ZNF423: variants seen among roughly 807,000 people sequenced by gnomAD.
The protein encoded by ZNF423 is zinc finger protein 423, also known as Ebf-associated zinc finger protein.
A neutral mutation model predicts 95.8 loss-of-function variants in ZNF423; 12 were observed. The observed-to-expected ratio is 0.13, with a 90% CI of 0.08 to 0.20. The LOEUF (loss-of-function observed/expected upper bound fraction) is 0.20, where lower values mean the gene tolerates loss of function less well. ZNF423 is among the 10% of genes least tolerant of loss of function. The pLI, the probability that ZNF423 is intolerant of heterozygous loss-of-function variation, is 1.00. For missense variants in ZNF423, 1,316 were observed against 1,737.1 expected (o/e 0.76, Z 4.31); for synonymous variants, 749 against 711.9 (o/e 1.05, Z -0.83).
intron 5 of ZNF423, among the ~76,000 whole-genome samples, chr16:49,572,982 A>G (rs1449217843): frequency 6.6e-6 from 1 of 152,236 alleles, no homozygotes; most frequent in Non-Finnish European, 1.5e-5. Flanking sequence ...TAGGCTCTCC[A>G]TAAGGGAGAG....
chr16:49,620,047 G>GT (rs1972006584), intron 5 of ZNF423, among the ~76,000 whole-genome samples: 1 of 151,786 alleles, frequency 6.6e-6, no homozygotes, highest in Non-Finnish European at 1.5e-5. Flanking sequence ...TGGTTTGAAA[G>GT]TATCTCCAGG....
rs757029085 is a variant in ZNF423, at chr16:49,636,526, C to T, written c.2650G>A (p.Glu884Lys). 2 of 1,613,922 alleles carry T rather than the reference C, an allele frequency of 1.2e-6. No individual in the cohort carries two copies. The highest frequency in any genetic ancestry group is 2.2e-5 in the East Asian group (1 of 44,874). The stretch of plus-strand genomic sequence containing the variant: ...GGCTCCGACGCGTCCACGTCATCCT[C>T]GCTGGCCTCATGGCTGTTAGGTGCC... Reference protein sequence around the residue: ...PEAPNSHEASEDDVDASEPMY... With the variant: ...PEAPNSHEASKDDVDASEPMY... Residue 884 changes from glutamate to lysine, a missense_variant, in exon 4 of 8, where the codon GAG becomes AAG. Coordinates refer to ENST00000563137, the MANE Select transcript of ZNF423 (RefSeq NM_001379286.1). The surrounding 1 kb of genome is among the most constrained non-coding windows in gnomAD (Gnocchi z 8.6).
chr16:49,523,707 T>C lies in ZNF423; in HGVS notation c.3766A>G (p.Ile1256Val), dbSNP rs1968494071. The C allele has an allele frequency of 6.2e-7, 1 of 1,614,092 alleles. No homozygotes were observed. The highest frequency in any genetic ancestry group is 1.1e-5 in the South Asian group (1 of 91,084). Residue 1256 changes from isoleucine to valine, a missense_variant, in exon 7 of 8, where the codon ATC becomes GTC. Physicochemically the swap from Ile to Val is conservative, Grantham distance 29. Transcript: ENST00000563137. ...FVQANKLQQH[I>V]FAVHGQEDKI... ...TCCTCCTGCCCGTGCACGGCAAAGA[T>C]GTGCTGCTGCAACTTGTTGGCCTGG...
intron 5 of ZNF423, among the ~76,000 whole-genome samples, chr16:49,580,589 T>G (rs1238328570): frequency 6.6e-6 from 1 of 152,178 alleles, no homozygotes; most frequent in African/African-American, 2.4e-5. Flanking sequence ...AGGAGAGCTT[T>G]GAACACTCAA....
At chr16:49,842,367 A>T (rs1227440601) in intron 1 of ZNF423, among the ~76,000 whole-genome samples, 1 of 27,972 alleles carries the variant, frequency 3.6e-5, no homozygotes, top group South Asian at 1.5e-3. Flanking sequence ...GGAGAGAGAC[A>T]GGAAGGAAGG....
chr16:49,498,032 T>C lies in ZNF423; in HGVS notation c.3850-6728A>G, dbSNP rs1266790464. On this transcript the variant is annotated intron_variant, in intron 7 of 7. Coordinates refer to ENST00000563137, the MANE Select transcript of ZNF423 (RefSeq NM_001379286.1). ...CCCAGGTGAGGATTTGCACTGGGTG[T>C]GTGTGTGAGAGCTTGAGAGATGGTT... 2.0e-5 allele frequency among the ~76,000 whole-genome samples: 3 copies of C among 152,208 alleles called. No individual in the cohort carries two copies. In the East Asian group the frequency reaches 5.8e-4, roughly 29 times the overall value.
At chr16:49,747,324 G>GA (rs11402071) in intron 2 of ZNF423, among the ~76,000 whole-genome samples, 86,085 of 150,514 alleles carry the variant, frequency 0.57, 25,082 homozygotes, top group African/African-American at 0.71. Context: ...TTGAGAGAGG[G>GA]AAAAAAAAAG....
At chr16:49,591,867 C>T (rs957158643) in intron 5 of ZNF423, among the ~76,000 whole-genome samples, 11 of 152,200 alleles carry the variant, frequency 7.2e-5, no homozygotes, top group Non-Finnish European at 1.6e-4. Context: ...ACTGTCTTTG[C>T]TGTTAGAAGT....
At chr16:49,789,450 C>A in intron 2 of ZNF423, 37 bp downstream of exon 2, 2 of 1,595,600 alleles carry the variant, frequency 1.3e-6, no homozygotes, top group Admixed American at 1.8e-5. Flanking sequence ...GCCCCCAGGA[C>A]CCCCTGCAAC....
At chr16:49,727,558 C>T (rs1471481620) in intron 3 of ZNF423, among the ~76,000 whole-genome samples, 3 of 152,136 alleles carry the variant, frequency 2.0e-5, no homozygotes, top group Admixed American at 6.5e-5. Flanking sequence ...TCACGGTCAC[C>T]GCCCACAAAT....
intron 7 of ZNF423, 40 bp downstream of exon 7, chr16:49,523,584 G>T: frequency 1.9e-6 from 3 of 1,555,038 alleles, no homozygotes; most frequent in South Asian, 2.2e-5. Flanking sequence ...GGGAACCGAG[G>T]ACCATCAGGC....
intron 3 of ZNF423, among the ~76,000 whole-genome samples, chr16:49,702,262 T>A (rs1158999024): frequency 6.6e-6 from 1 of 151,952 alleles, no homozygotes; most frequent in Non-Finnish European, 1.5e-5. Flanking sequence ...TGCCAGCGAG[T>A]CTCTGAACGC....
chr16:49,852,130 C>G (rs1255981296), intron 1 of ZNF423, among the ~76,000 whole-genome samples: 1 of 152,060 alleles, frequency 6.6e-6, no homozygotes, highest in Non-Finnish European at 1.5e-5. Flanking sequence ...TCCCAAGTCC[C>G]TAGACCACCA....
At chr16:49,726,953 A>G (rs191147891) in intron 3 of ZNF423, among the ~76,000 whole-genome samples, 8 of 151,860 alleles carry the variant, frequency 5.3e-5, no homozygotes, top group African/African-American at 1.4e-4. Flanking sequence ...GAACGTGAAA[A>G]CGTATGTGCT....
intron 2 of ZNF423, among the ~76,000 whole-genome samples, chr16:49,752,147 C>G (rs559350132): frequency 6.6e-6 from 1 of 152,246 alleles, no homozygotes; most frequent in Non-Finnish European, 1.5e-5. Context: ...TATTCACTAC[C>G]TCAGGAATCA....
intron 3 of ZNF423, among the ~76,000 whole-genome samples, chr16:49,728,764 G>A (rs562854753): frequency 4.6e-5 from 7 of 151,884 alleles, no homozygotes; most frequent in African/African-American, 9.7e-5. Flanking sequence ...ATGGGGTCTC[G>A]CTCTGTCACC....
At chr16:49,561,295 C>A (rs1176142791) in intron 5 of ZNF423, among the ~76,000 whole-genome samples, 1 of 152,082 alleles carries the variant, frequency 6.6e-6, no homozygotes, top group Non-Finnish European at 1.5e-5. Flanking sequence ...TGTTTTTTAT[C>A]GGACAGTGAG....
At chr16:49,651,960 G>C (rs1973424241) in intron 3 of ZNF423, among the ~76,000 whole-genome samples, 1 of 152,178 alleles carries the variant, frequency 6.6e-6, no homozygotes, top group Non-Finnish European at 1.5e-5. Flanking sequence ...AAAATTCTCA[G>C]AGGGCCCCTG....
At chr16:49,527,816 C>T (rs1327847895) in intron 5 of ZNF423, among the ~76,000 whole-genome samples, 4 of 152,126 alleles carry the variant, frequency 2.6e-5, no homozygotes, top group South Asian at 2.1e-4. Context: ...CATGTACCCC[C>T]GCCATCGTAC....
Sources: allele counts gnomAD v4.1 joint callset (sites outside exome capture counted in the v4.1 genomes callset), GRCh38; gene constraint gnomAD v4.1.1; non-coding constraint Gnocchi (gnomAD v3.1); transcripts MANE v1.5; gene names NCBI Gene and HGNC (gene_info 2026-07-23, HGNC 2026-07-21).